The following DUSP22 variants were observed in gnomAD, a reference collection of about 807,000 sequenced individuals.
The protein encoded by DUSP22 is dual specificity phosphatase 22.
Under a neutral mutation model 24.5 loss-of-function variants are expected in DUSP22, and 24 were observed. The ratio of observed to expected loss-of-function variants is 0.98; its 90% confidence interval spans 0.71 to 1.38. The LOEUF is 1.38. Ranked by LOEUF, DUSP22 falls within the 40% of genes most tolerant of loss-of-function variation. The probability of loss-of-function intolerance (pLI) is 0.00; values close to 1 mark genes in which losing one functional copy is unlikely to be tolerated. For synonymous variants in DUSP22, 160 were observed against 106.4 expected (o/e 1.50, Z -3.10); for missense variants, 330 against 269.2 (o/e 1.23, Z -1.58).
chr6:323,015 T>C (rs1346395016), intron 3 of DUSP22, among the ~76,000 whole-genome samples: 1 of 152,304 alleles, frequency 6.6e-6, no homozygotes. Flanking sequence ...TTTCAGGTGC[T>C]CTGAATAATC....
chr6:328,754 G>A (rs1759003376), intron 3 of DUSP22, among the ~76,000 whole-genome samples: 1 of 152,310 alleles, frequency 6.6e-6, no homozygotes. Flanking sequence ...AACTAATGGA[G>A]CATATTTATC....
chr6:338,481 G>A (rs1220742075), intron 4 of DUSP22, among the ~76,000 whole-genome samples: 1 of 152,302 alleles, frequency 6.6e-6, no homozygotes, highest in Non-Finnish European at 1.5e-5. Flanking sequence ...CAAGTATCAG[G>A]TGCTGACAAT....
chr6:308,000 A>G (rs570367141), intron 2 of DUSP22, among the ~76,000 whole-genome samples: 2 of 152,278 alleles, frequency 1.3e-5, no homozygotes, highest in African/African-American at 4.8e-5. Context: ...TGTTGGTTTT[A>G]TGAATTACTA....
chr6:308,082 G>A (rs1314683069), intron 2 of DUSP22, among the ~76,000 whole-genome samples: 1 of 151,126 alleles, frequency 6.6e-6, no homozygotes, highest in Admixed American at 6.6e-5. Context: ...TCCCTCCAGG[G>A]CTCAGTGTTA....
intron 4 of DUSP22, among the ~76,000 whole-genome samples, chr6:344,393 C>G (rs2063434): frequency 1.3e-5 from 2 of 152,206 alleles, no homozygotes; most frequent in African/African-American, 4.8e-5. Context: ...TCAAGAGATC[C>G]TCCCACCTCG....
At chr6:325,799 A>G (rs1242997082) in intron 3 of DUSP22, 1 of 214,048 alleles carries the variant, frequency 4.7e-6, no homozygotes, top group African/African-American at 2.6e-5. Flanking sequence ...GCAGTGCTGT[A>G]TCTGCTGGTG....
chr6:339,288 C>G (rs1204868758), intron 4 of DUSP22, among the ~76,000 whole-genome samples: 1 of 152,304 alleles, frequency 6.6e-6, no homozygotes, highest in African/African-American at 2.4e-5. Flanking sequence ...ATTTTAACCT[C>G]TCTTCTCTCA....
chr6:349,395 G>A lies in DUSP22; in HGVS notation c.*444G>A, dbSNP rs1463976617. The A allele has an allele frequency of 3.9e-5, 40 of 1,021,270 alleles. No individual in the cohort carries two copies. Among genetic ancestry groups the A allele is most frequent in the Non-Finnish European group, 4.3e-5 (37 of 852,256 alleles). The allele number at this position is 1,021,270 out of a possible 1,614,324, so 63.3% of individuals were successfully genotyped here. ...GTCACAGAATTCATATTGCTGCCCGGGTTGGTGTGGCCACCTTTCCCTTTG... is the reference window on the plus strand; with the variant it reads ...GTCACAGAATTCATATTGCTGCCCGAGTTGGTGTGGCCACCTTTCCCTTTG... On this transcript the variant is annotated 3_prime_UTR_variant, in exon 7 of 7. Coordinates refer to ENST00000419235, the MANE Select transcript of DUSP22 (RefSeq NM_001286555.3).
chr6:305,501 C>T (rs1236981624), intron 2 of DUSP22, among the ~76,000 whole-genome samples: 1 of 152,308 alleles, frequency 6.6e-6, no homozygotes, highest in Non-Finnish European at 1.5e-5. Flanking sequence ...GTGACAATTT[C>T]ATCTCTGGCA....
chr6:314,398 G>C (rs1475464250), intron 3 of DUSP22, among the ~76,000 whole-genome samples: 2 of 152,298 alleles, frequency 1.3e-5, no homozygotes, highest in African/African-American at 4.8e-5. Context: ...GGTGTCCTGC[G>C]AGCCCTGCTG....
At chr6:297,093 G>A (rs1201290188) in intron 1 of DUSP22, among the ~76,000 whole-genome samples, 1 of 152,300 alleles carries the variant, frequency 6.6e-6, no homozygotes, top group Non-Finnish European at 1.5e-5. Context: ...CTGATCTGGG[G>A]CACCTCCACC....
chr6:328,551 T>G (rs1317511166), intron 3 of DUSP22, among the ~76,000 whole-genome samples: 8 of 152,302 alleles, frequency 5.3e-5, no homozygotes, highest in Admixed American at 3.3e-4. Flanking sequence ...AACCAGAGGC[T>G]AAATCTTGTC....
intron 3 of DUSP22, among the ~76,000 whole-genome samples, chr6:319,527 A>G (rs571769632): frequency 4.9e-4 from 74 of 152,410 alleles, no homozygotes; most frequent in African/African-American, 1.8e-3. Flanking sequence ...TACCTGAATG[A>G]TTGGACACAA....
At chr6:297,982 C>T (rs1160570848) in intron 1 of DUSP22, among the ~76,000 whole-genome samples, 3 of 152,310 alleles carry the variant, frequency 2.0e-5, no homozygotes, top group Non-Finnish European at 4.4e-5. Context: ...CACGAAGACC[C>T]TGCCATGCAG....
At chr6:311,992 T>C in intron 3 of DUSP22, 30 bp downstream of exon 3, 1 of 1,598,272 alleles carries the variant, frequency 6.3e-7, no homozygotes, top group Non-Finnish European at 8.5e-7. Flanking sequence ...CGTGTGTGGG[T>C]GTCCTCATTT....
intron 2 of DUSP22, among the ~76,000 whole-genome samples, chr6:306,338 C>T (rs947886433): frequency 1.3e-5 from 2 of 152,304 alleles, no homozygotes; most frequent in Non-Finnish European, 2.9e-5. Context: ...TAGCCTTAAT[C>T]ATGAAAGGTT....
intron 3 of DUSP22, among the ~76,000 whole-genome samples, chr6:326,948 C>G (rs1561667360): frequency 6.6e-6 from 1 of 152,304 alleles, no homozygotes; most frequent in Admixed American, 6.5e-5. Flanking sequence ...ATGGGACTGT[C>G]TAGACCGAGG....
At chr6:293,540 C>T (rs1757190620) in intron 1 of DUSP22, among the ~76,000 whole-genome samples, 1 of 152,296 alleles carries the variant, frequency 6.6e-6, no homozygotes, top group African/African-American at 2.4e-5. Context: ...ATGCCGTCAG[C>T]TTCCACACTG....
intron 4 of DUSP22, among the ~76,000 whole-genome samples, chr6:335,811 A>G (rs1310377922): frequency 6.6e-6 from 1 of 152,300 alleles, no homozygotes; most frequent in Non-Finnish European, 1.5e-5. Flanking sequence ...CGGCTGCCTT[A>G]TGGGGCAGCA....
Sources: gnomAD v4.1 joint callset for allele counts (sites outside exome capture counted in the v4.1 genomes callset) on GRCh38, gnomAD v4.1.1 for gene constraint, MANE v1.5 for transcripts, NCBI Gene and HGNC (gene_info 2026-07-23, HGNC 2026-07-21) for gene names.